RXFP2: variants seen among roughly 807,000 people sequenced by gnomAD.
The protein encoded by RXFP2 is relaxin receptor 2.
RXFP2 carries 68 observed loss-of-function variants against 88.6 expected under a neutral mutation model. That is an observed-to-expected ratio of 0.77 (90% CI 0.63 to 0.94). The LOEUF is 0.94. RXFP2 is among the 40% of genes least tolerant of loss of function. The pLI, the probability that RXFP2 is intolerant of heterozygous loss-of-function variation, is 0.00. For missense variants in RXFP2, 791 were observed against 893.9 expected, an observed-to-expected ratio of 0.88 and a Z score of 1.47; for synonymous variants, 329 against 306.8, an observed-to-expected ratio of 1.07 and a Z score of -0.76.
intron 9 of RXFP2, among the ~76,000 whole-genome samples, chr13:31,780,589 T>G (rs1272415500): frequency 6.6e-6 from 1 of 152,186 alleles, no homozygotes; most frequent in African/African-American, 2.4e-5. Flanking sequence ...TGAGAAAAGT[T>G]CAGAAGAAGA....
chr13:31,765,107 G>A lies in RXFP2; in HGVS notation c.390G>A (p.Lys130=), dbSNP rs759652762. The change falls in exon 4 of 18, where the codon AAG becomes AAA. Residue 130 remains lysine, a synonymous_variant. Coordinates refer to ENST00000298386, the MANE Select transcript of RXFP2 (RefSeq NM_130806.5). The stretch of plus-strand genomic sequence containing the variant: ...TGGAATGTGTAAATGGTGACTTAAA[G>A]TCTGTGCCGATGATTTCTAACAATG... ...TELECVNGDL[K]SVPMISNNVT... is the part of the protein sequence containing the mutation. 6.2e-7 allele frequency: 1 copy of A among 1,610,112 alleles called. No homozygotes were observed. The highest frequency in any genetic ancestry group is 2.2e-5 in the East Asian group (1 of 44,758).
rs759652097 is a variant in RXFP2, at chr13:31,789,160, G to T, written c.1112G>T (p.Arg371Leu). Residue 371 changes from arginine (R) to leucine (L), a missense_variant, in exon 14 of 18, where the codon CGA becomes CTA. By Grantham distance (102) the Arg-to-Leu change is moderately radical. Coordinates refer to ENST00000298386, the MANE Select transcript of RXFP2 (RefSeq NM_130806.5). ...ATAGAGATTCCAAATATAAACACAC[G>T]AATGTTTCAACCCATGAAGAATCTT... is the stretch of plus-strand genomic sequence containing the variant. ...ERIEIPNINT[R>L]MFQPMKNLSH... 1 of 1,608,784 alleles carries T rather than the reference G, an allele frequency of 6.2e-7. No individual in the cohort carries two copies. The highest frequency in any genetic ancestry group is 1.7e-5 in the Admixed American group (1 of 60,020).
intron 15 of RXFP2, 125 bp downstream of exon 15, chr13:31,792,160 T>A: frequency 2.7e-6 from 2 of 740,072 alleles, no homozygotes; most frequent in Non-Finnish European, 4.4e-6. Context: ...CTGGGCACAT[T>A]TTTTTTTCTA....
chr13:31,767,799 T>G (rs1461799567), intron 5 of RXFP2, among the ~76,000 whole-genome samples: 2 of 152,172 alleles, frequency 1.3e-5, no homozygotes, highest in African/African-American at 4.8e-5. Flanking sequence ...AAAGAAATAG[T>G]TCTAGCAATC....
intron 5 of RXFP2, 67 bp downstream of exon 5, chr13:31,766,094 C>A: frequency 1.2e-6 from 1 of 810,540 alleles, no homozygotes. Context: ...TGTTTTTGAT[C>A]TAAAAATAAA....
rs191697966 is a variant in RXFP2 at position 31,785,378 on chromosome 13, C to A, written c.930-1005C>A. ...CCTGAAAGTGTCACTGAATTCCAAGCATCTGTGGTTCAGATCATTTTTTAC... is the reference window on the plus strand; with the variant it reads ...CCTGAAAGTGTCACTGAATTCCAAGAATCTGTGGTTCAGATCATTTTTTAC... On this transcript the variant is annotated intron_variant, in intron 11 of 17. Transcript: ENST00000298386. 2.2e-3 allele frequency among the ~76,000 whole-genome samples: 328 copies of A among 152,208 alleles called. 1 individual carries two copies. Among genetic ancestry groups the A allele is most frequent in the Admixed American group, 3.9e-3 (59 of 15,278 alleles).
In RXFP2 at chr13:31,802,496, C is replaced by G. The variant is rs1355813220; in HGVS notation, c.*91C>G. ...ACATCTGCAATGCTTTTCATCTTTACCAACGGCAAGCCTTTCTGCACAGAG... is the reference window on the plus strand; with the variant it reads ...ACATCTGCAATGCTTTTCATCTTTAGCAACGGCAAGCCTTTCTGCACAGAG... On this transcript the variant is annotated 3_prime_UTR_variant, in exon 18 of 18. Coordinates refer to ENST00000298386, the MANE Select transcript of RXFP2 (RefSeq NM_130806.5). The G allele has an allele frequency of 1.5e-6, 2 of 1,377,912 alleles. No individual in the cohort carries two copies. Among genetic ancestry groups the G allele is most frequent in the Admixed American group, 1.7e-5 (1 of 59,694 alleles). 85.4% of individuals were successfully genotyped at this position (1,377,912 alleles called of 1,614,324 possible).
chr13:31,784,696 G>A (rs896492905), intron 11 of RXFP2, among the ~76,000 whole-genome samples: 1 of 152,034 alleles, frequency 6.6e-6, no homozygotes, highest in East Asian at 1.9e-4. Context: ...CACCTCAAAA[G>A]CAACCCATTT....
intron 1 of RXFP2, 96 bp from the exon 2 acceptor site, chr13:31,758,162 A>T: frequency 3.0e-5 from 34 of 1,125,256 alleles, no homozygotes; most frequent in Middle Eastern, 2.0e-4. Context: ...ATACCAGATG[A>T]ACTCAACTCA....
intron 1 of RXFP2, among the ~76,000 whole-genome samples, chr13:31,750,883 AT>A (rs1218168543): frequency 6.6e-6 from 1 of 152,210 alleles, no homozygotes; most frequent in African/African-American, 2.4e-5. Context: ...GAGAAATTTA[AT>A]TGTGAAGGGG....
At position 31,742,281 on chromosome 13, in the gene RXFP2, A is replaced by G. The variant is rs1324337595; in HGVS notation, c.94+2575A>G. Among the ~76,000 whole-genome samples the G allele has an allele frequency of 3.9e-5, 6 of 152,196 alleles. No individual in the cohort carries two copies. The East Asian group carries it at 9.6e-4, about 24-fold the overall frequency. On this transcript the variant is annotated intron_variant, in intron 1 of 17. Transcript: ENST00000298386. ...GCCCGAACAGTATTTTGAGGGGAGC[A>G]GTGTTTGACTGCCCCCTAGTGGCCA...
chr13:31,793,437 T>C (rs1873888147), intron 16 of RXFP2, among the ~76,000 whole-genome samples: 1 of 151,914 alleles, frequency 6.6e-6, no homozygotes, highest in South Asian at 2.1e-4. Context: ...AACTCTTTTT[T>C]TTTTTTTTAC....
intron 1 of RXFP2, among the ~76,000 whole-genome samples, chr13:31,749,377 C>T (rs1871566169): frequency 6.6e-6 from 1 of 152,160 alleles, no homozygotes; most frequent in African/African-American, 2.4e-5. Flanking sequence ...AATGAGTCCT[C>T]TCTCCTTGTT....
intron 5 of RXFP2, among the ~76,000 whole-genome samples, chr13:31,767,910 C>A (rs1045150167): frequency 2.6e-5 from 4 of 152,026 alleles, no homozygotes; most frequent in Non-Finnish European, 5.9e-5. Flanking sequence ...GGGGAGGGGG[C>A]GGAGTCACTA....
Position 31,778,540 on chromosome 13 carries a change from C to T in RXFP2, c.742C>T (p.Leu248Phe). 3 of 1,611,676 alleles carry T rather than the reference C, an allele frequency of 1.9e-6. No individual in the cohort carries two copies. The highest frequency in any genetic ancestry group is 2.5e-6 in the Non-Finnish European group (3 of 1,177,936). The change falls in exon 9 of 18, where the codon CTT becomes TTT. Residue 248 changes from leucine (L) to phenylalanine (F), a missense_variant. Physicochemically the swap from Leu to Phe is conservative, Grantham distance 22. Coordinates refer to ENST00000298386, the MANE Select transcript of RXFP2 (RefSeq NM_130806.5). ...LSMVNNYLEALPKQMCAQMPQ... is the reference protein window; with the variant it reads ...LSMVNNYLEAFPKQMCAQMPQ... ...TATGGTTAATAACTACTTAGAAGCT[C>T]TTCCCAAGCAGATGTGTGCCCAAAT...
chr13:31,797,272 G>T lies in RXFP2; in HGVS notation c.1858G>T (p.Ala620Ser). The T allele has an allele frequency of 6.2e-7, 1 of 1,613,918 alleles. No homozygotes were observed. The highest frequency in any genetic ancestry group is 8.5e-7 in the Non-Finnish European group (1 of 1,179,888). The change falls in exon 17 of 18, where the codon GCC becomes TCC. Residue 620 changes from alanine (A) to serine (S), a missense_variant. Transcript: ENST00000298386. Reference protein sequence around the residue: ...ITMFCSIQKTALQTTEVRNCF... With the variant: ...ITMFCSIQKTSLQTTEVRNCF... ...TATGTTCTGTTCCATTCAAAAAACC[G>T]CCTTGCAGACCACAGAAGTAAGGAA...
intron 17 of RXFP2, among the ~76,000 whole-genome samples, chr13:31,800,154 A>G (rs1245004466): frequency 6.6e-6 from 1 of 152,214 alleles, no homozygotes; most frequent in African/African-American, 2.4e-5. Context: ...GTTGTAAGAA[A>G]TGCTGCCTTC....
chr13:31,794,976 A>AT (rs978013057), intron 16 of RXFP2, among the ~76,000 whole-genome samples: 1 of 151,884 alleles, frequency 6.6e-6, no homozygotes, highest in Non-Finnish European at 1.5e-5. Flanking sequence ...CTAAAGTACA[A>AT]TTTTTTTTCT....
At chr13:31,756,767 C>T (rs778064478) in intron 1 of RXFP2, among the ~76,000 whole-genome samples, 18 of 151,860 alleles carry the variant, frequency 1.2e-4, no homozygotes, top group Admixed American at 2.6e-4. Context: ...GACTGCAGCA[C>T]GTGCCACCAT....
Sources: allele counts gnomAD v4.1 joint callset (sites outside exome capture counted in the v4.1 genomes callset), GRCh38; gene constraint gnomAD v4.1.1; transcripts MANE v1.5; gene names NCBI Gene and HGNC (gene_info 2026-07-23, HGNC 2026-07-21).